SATB2: variants seen among roughly 807,000 people sequenced by gnomAD.
The protein encoded by SATB2 is SATB homeobox 2, also known as DNA-binding protein SATB2.
SATB2 carries 1 observed loss-of-function variant against 73.4 expected under a neutral mutation model. The observed-to-expected ratio is 0.01, with a 90% CI of 0.00 to 0.06. The LOEUF (loss-of-function observed/expected upper bound fraction) is 0.06, where lower values mean the gene tolerates loss of function less well. Ranked by LOEUF, SATB2 falls within the 10% of genes least tolerant of loss-of-function variation. The pLI, the probability that SATB2 is intolerant of heterozygous loss-of-function variation, is 1.00. For synonymous variants in SATB2, 397 were observed against 367.0 expected, an observed-to-expected ratio of 1.08 and a Z score of -0.93; for missense variants, 459 against 945.8, an observed-to-expected ratio of 0.49 and a Z score of 6.75.
At chr2:199,349,451 C>T (rs1469786578) in intron 6 of SATB2, among the ~76,000 whole-genome samples, 1 of 152,052 alleles carries the variant, frequency 6.6e-6, no homozygotes, top group Non-Finnish European at 1.5e-5. Flanking sequence ...AAGACAGAAA[C>T]CACTGACCAT....
intron 6 of SATB2, among the ~76,000 whole-genome samples, chr2:199,365,142 T>C (rs1294402591): frequency 6.6e-6 from 1 of 152,150 alleles, no homozygotes; most frequent in Non-Finnish European, 1.5e-5. Context: ...GAATCTCATG[T>C]ACAATACTAA....
chr2:199,405,788 A>G (rs1361902960), intron 3 of SATB2, among the ~76,000 whole-genome samples: 1 of 149,418 alleles, frequency 6.7e-6, no homozygotes, highest in Non-Finnish European at 1.5e-5. Flanking sequence ...TTTTTAAAAG[A>G]AAAAAAAAAG....
intron 9 of SATB2, among the ~76,000 whole-genome samples, chr2:199,318,507 G>A (rs929074661): frequency 1.1e-4 from 16 of 151,858 alleles, no homozygotes; most frequent in African/African-American, 3.4e-4. Flanking sequence ...ACACAGTTAC[G>A]ATATCAATTA....
intron 3 of SATB2, among the ~76,000 whole-genome samples, chr2:199,421,392 G>C (rs541907760): frequency 6.6e-6 from 1 of 152,068 alleles, no homozygotes; most frequent in Non-Finnish European, 1.5e-5. Flanking sequence ...TGATTTGTTC[G>C]ACAAATTCCC....
chr2:199,305,641 G>T (rs1244709581), intron 10 of SATB2, among the ~76,000 whole-genome samples: 1 of 152,128 alleles, frequency 6.6e-6, no homozygotes, highest in South Asian at 2.1e-4. Context: ...AAGAAGAGAG[G>T]CTGTGACTCC....
At chr2:199,387,588 G>A (rs1044197396) in intron 3 of SATB2, among the ~76,000 whole-genome samples, 1 of 152,210 alleles carries the variant, frequency 6.6e-6, no homozygotes, top group African/African-American at 2.4e-5. Flanking sequence ...GACTATTACA[G>A]ATGCTGTTAT....
At chr2:199,297,934 A>T (rs929318000) in intron 10 of SATB2, among the ~76,000 whole-genome samples, 3 of 13,974 alleles carry the variant, frequency 2.1e-4, no homozygotes, top group South Asian at 8.2e-3. Flanking sequence ...ATAACTTTTA[A>T]AAAAAGCTTA....
At chr2:199,460,718 C>T (rs2105965370), upstream of SATB2, among the ~76,000 whole-genome samples, 1 of 152,312 alleles carries the variant, frequency 6.6e-6, no homozygotes, top group African/African-American at 2.4e-5. This position sits in a 1 kb window ranked among gnomAD's most constrained non-coding sequence, Gnocchi z 4.0. Flanking sequence ...ACCTCACAGG[C>T]TTGTGTCAAC....
rs1394411188 is a variant in SATB2 at position 199,381,009 on chromosome 2, A to C, written c.474-522T>G. 2.0e-5 allele frequency among the ~76,000 whole-genome samples: 3 copies of C among 152,194 alleles called. No homozygotes were observed. In the East Asian group the frequency reaches 5.8e-4, roughly 29 times the overall value. On this transcript the variant is annotated intron_variant, in intron 4 of 10. Coordinates refer to ENST00000417098, the MANE Select transcript of SATB2 (RefSeq NM_001172509.2). ...TCCATATTTAAAGTATAAATTGCCCAAAAGGGGAAAATTCAAAACACTTAC... is the reference window on the plus strand; with the variant it reads ...TCCATATTTAAAGTATAAATTGCCCCAAAGGGGAAAATTCAAAACACTTAC...
At chr2:199,284,043 C>G (rs936383746) in intron 10 of SATB2, among the ~76,000 whole-genome samples, 3 of 152,106 alleles carry the variant, frequency 2.0e-5, no homozygotes, top group Non-Finnish European at 2.9e-5. Flanking sequence ...CTAAAGTGAG[C>G]CTATCACTCC....
chr2:199,351,055 C>G (rs1407618295), intron 6 of SATB2, among the ~76,000 whole-genome samples: 1 of 150,430 alleles, frequency 6.6e-6, no homozygotes, highest in Non-Finnish European at 1.5e-5. Flanking sequence ...AAAAGAAAAC[C>G]CGATTTCTTG....
chr2:199,313,136 A>T (rs1266608292), intron 9 of SATB2, among the ~76,000 whole-genome samples: 1 of 152,212 alleles, frequency 6.6e-6, no homozygotes, highest in Non-Finnish European at 1.5e-5. Flanking sequence ...CCCTATCATC[A>T]ATAATTGCCA....
intron 10 of SATB2, among the ~76,000 whole-genome samples, chr2:199,287,454 CAA>C (rs1179070779): frequency 2.0e-5 from 3 of 151,900 alleles, no homozygotes; most frequent in Non-Finnish European, 2.9e-5. Context: ...GGTAAAGCAC[CAA>C]AGAGTCAGAA....
Position 199,464,184 on chromosome 2 carries a change from G to A in SATB2, c.-141+652C>T, listed in dbSNP as rs557629346. Among the ~76,000 whole-genome samples the A allele has an allele frequency of 3.9e-5, 6 of 152,258 alleles. No individual in the cohort carries two copies. The highest frequency in any genetic ancestry group is 1.4e-4 in the African/African-American group (6 of 41,572). The stretch of plus-strand genomic sequence containing the variant: ...TCAGTCCGTCAAGACCTTGGCCTCC[G>A]GGAAAGGCCCAAGTGACTGTGACGG... On this transcript the variant is annotated intron_variant, in intron 1 of 11. Coordinates refer to the SATB2 transcript ENST00000260926. This position sits in a 1 kb window ranked among gnomAD's most constrained non-coding sequence, Gnocchi z 6.6.
chr2:199,444,775 C>T (rs1691915268), intron 2 of SATB2, among the ~76,000 whole-genome samples: 1 of 152,136 alleles, frequency 6.6e-6, no homozygotes, highest in African/African-American at 2.4e-5. Context: ...ATCTTGGCAC[C>T]ATCACGCTAC....
chr2:199,330,957 G>C (rs1688171358), intron 7 of SATB2, among the ~76,000 whole-genome samples: 1 of 152,046 alleles, frequency 6.6e-6, no homozygotes, highest in African/African-American at 2.4e-5. Context: ...ACTTGAAGGA[G>C]TTTTAGGGTC....
intron 7 of SATB2, among the ~76,000 whole-genome samples, chr2:199,330,291 C>A (rs1160790839): frequency 6.6e-6 from 1 of 152,162 alleles, no homozygotes; most frequent in African/African-American, 2.4e-5. Context: ...TATCACATAG[C>A]ACTCCAAGGA....
chr2:199,417,483 C>T (rs1691029557), intron 3 of SATB2, among the ~76,000 whole-genome samples: 1 of 152,166 alleles, frequency 6.6e-6, no homozygotes, highest in South Asian at 2.1e-4. Context: ...AAGGGAAAAT[C>T]ATCTGTCTTC....
At chr2:199,345,934 C>T (rs1016438396) in intron 7 of SATB2, among the ~76,000 whole-genome samples, 1 of 152,112 alleles carries the variant, frequency 6.6e-6, no homozygotes, top group Non-Finnish European at 1.5e-5. Context: ...TTATTATCTA[C>T]CTTTCTTATC....
Sources: gnomAD v4.1 joint callset for allele counts (sites outside exome capture counted in the v4.1 genomes callset) on GRCh38, gnomAD v4.1.1 for gene constraint, Gnocchi (gnomAD v3.1) non-coding constraint, MANE v1.5 for transcripts, NCBI Gene and HGNC (gene_info 2026-07-23, HGNC 2026-07-21) for gene names.